Variants in ADARB2 observed in about 807,000 individuals in gnomAD.
The protein encoded by ADARB2 is adenosine deaminase RNA specific B2 (inactive).
In ADARB2, 25 loss-of-function variants were observed where a neutral mutation model predicts 62.2. The ratio of observed to expected loss-of-function variants is 0.40; its 90% CI spans 0.29 to 0.56. The LOEUF is 0.56. ADARB2 is among the 20% of genes least tolerant of loss of function. The probability of loss-of-function intolerance (pLI) is 0.43; values close to 1 mark genes in which losing one functional copy is unlikely to be tolerated. For synonymous variants in ADARB2, 572 were observed against 500.8 expected (o/e 1.14, Z -1.90); for missense variants, 1,071 against 1,077.4 (o/e 0.99, Z 0.08).
intron 4 of ADARB2, among the ~76,000 whole-genome samples, chr10:1,249,879 C>T (rs200027110): frequency 6.6e-6 from 1 of 151,890 alleles, no homozygotes; most frequent in East Asian, 1.9e-4. Context: ...ATGGTGAAAG[C>T]GTTCCAAGTT....
intron 3 of ADARB2, among the ~76,000 whole-genome samples, chr10:1,316,114 CTGAG>C (rs1429643602): frequency 6.6e-6 from 1 of 152,210 alleles, no homozygotes; most frequent in African/African-American, 2.4e-5. Context: ...TTTTTAAAGA[CTGAG>C]TGTGAACTTT....
chr10:1,721,368 C>G (rs1018044156), intron 1 of ADARB2, among the ~76,000 whole-genome samples: 1 of 152,170 alleles, frequency 6.6e-6, no homozygotes, highest in Non-Finnish European at 1.5e-5. Context: ...GAACAAGTAT[C>G]AAACACAGAC....
intron 1 of ADARB2, among the ~76,000 whole-genome samples, chr10:1,617,250 G>T (rs879669363): frequency 0.034 from 2,767 of 80,380 alleles, no homozygotes; most frequent in African/African-American, 0.052. Context: ...TGCATCCTGG[G>T]AACTGGCCTC....
At chr10:1,277,955 CTCTTTCTCTCTCTCTT>C (rs980466394) in intron 3 of ADARB2, among the ~76,000 whole-genome samples, 1 of 79,974 alleles carries the variant, frequency 1.3e-5, no homozygotes, top group Non-Finnish European at 3.4e-5. Flanking sequence ...CTTCCTTCCC[CTCTTTCTCTCTCTCTT>C]TCTTTTTTTC....
chr10:1,555,648 A>G (rs1376014463), intron 1 of ADARB2, among the ~76,000 whole-genome samples: 2 of 152,150 alleles, frequency 1.3e-5, no homozygotes, highest in East Asian at 3.9e-4. Flanking sequence ...ATGAAAACAT[A>G]TATGGGCCGG....
intron 7 of ADARB2, among the ~76,000 whole-genome samples, chr10:1,214,865 A>C (rs1043916276): frequency 6.6e-6 from 1 of 152,260 alleles, no homozygotes; most frequent in Admixed American, 6.5e-5. Context: ...GCTTTGGTCC[A>C]CTGTCATTAG....
chr10:1,563,723 G>T (rs1055406337), intron 1 of ADARB2, among the ~76,000 whole-genome samples: 3 of 149,490 alleles, frequency 2.0e-5, no homozygotes, highest in Non-Finnish European at 4.4e-5. Context: ...CTGGTGCACT[G>T]CACCCACTAA....
chr10:1,648,576 A>G (rs973325735), intron 1 of ADARB2, among the ~76,000 whole-genome samples: 2 of 152,170 alleles, frequency 1.3e-5, no homozygotes, highest in African/African-American at 4.8e-5. Flanking sequence ...ACATGTGGGT[A>G]AGCATTGGTC....
At chr10:1,300,045 G>T (rs142641453) in intron 3 of ADARB2, among the ~76,000 whole-genome samples, 1 of 152,090 alleles carries the variant, frequency 6.6e-6, no homozygotes, top group African/African-American at 2.4e-5. Flanking sequence ...CATCCTGGCC[G>T]TACCCACCAC....
chr10:1,386,578 C>G (rs372856746), intron 1 of ADARB2, among the ~76,000 whole-genome samples: 2 of 151,922 alleles, frequency 1.3e-5, no homozygotes, highest in African/African-American at 4.8e-5. Context: ...TTAAGAAAGA[C>G]ATATCACAAT....
At chr10:1,594,395 G>A (rs927604594) in intron 1 of ADARB2, among the ~76,000 whole-genome samples, 3 of 152,162 alleles carry the variant, frequency 2.0e-5, no homozygotes, top group Admixed American at 2.0e-4. Flanking sequence ...CATAGCTGTA[G>A]GTTTCTCTCT....
At chr10:1,380,319 A>G (rs1832471759) in intron 1 of ADARB2, among the ~76,000 whole-genome samples, 1 of 152,222 alleles carries the variant, frequency 6.6e-6, no homozygotes, top group African/African-American at 2.4e-5. Flanking sequence ...TGGCTGTGGT[A>G]TTGGCTACTT....
intron 1 of ADARB2, among the ~76,000 whole-genome samples, chr10:1,422,182 T>C (rs1832857634): frequency 6.6e-6 from 1 of 152,182 alleles, no homozygotes; most frequent in Admixed American, 6.5e-5. Context: ...GACGTCAAGG[T>C]ACATCAAAGG....
chr10:1,506,098 G>A, intron 1 of ADARB2, among the ~76,000 whole-genome samples: 1 of 151,974 alleles, frequency 6.6e-6, no homozygotes, highest in East Asian at 1.9e-4. Flanking sequence ...GTGTCTTTGG[G>A]AAGATGATGT....
intron 8 of ADARB2, among the ~76,000 whole-genome samples, chr10:1,197,191 T>C (rs1325602103): frequency 6.6e-6 from 1 of 152,210 alleles, no homozygotes. Context: ...CTCTTAATTA[T>C]CATTAATTTC....
chr10:1,558,638 T>C (rs1832743208), intron 1 of ADARB2, among the ~76,000 whole-genome samples: 3 of 133,954 alleles, frequency 2.2e-5, no homozygotes, highest in African/African-American at 8.6e-5. Context: ...ATCCCACCTC[T>C]GCCCCCCTCC....
At chr10:1,204,250 A>G (rs1021966888) in intron 7 of ADARB2, among the ~76,000 whole-genome samples, 9 of 152,142 alleles carry the variant, frequency 5.9e-5, no homozygotes, top group Non-Finnish European at 1.2e-4. Context: ...GGGCCTTTCA[A>G]GGTGAAATAG....
chr10:1,442,445 T>C (rs1374200236), intron 1 of ADARB2, among the ~76,000 whole-genome samples: 1 of 152,208 alleles, frequency 6.6e-6, no homozygotes, highest in Non-Finnish European at 1.5e-5. Flanking sequence ...ACCACAGGCC[T>C]GCTAGAGATG....
At chr10:1,705,625 A>G (rs1344322677) in intron 1 of ADARB2, among the ~76,000 whole-genome samples, 1 of 152,246 alleles carries the variant, frequency 6.6e-6, no homozygotes, top group Non-Finnish European at 1.5e-5. Flanking sequence ...CTGTCCTGAA[A>G]TGCAGGGTGC....
Sources: allele counts gnomAD v4.1 joint callset (sites outside exome capture counted in the v4.1 genomes callset), GRCh38; gene constraint gnomAD v4.1.1; transcripts MANE v1.5; gene names NCBI Gene and HGNC (gene_info 2026-07-23, HGNC 2026-07-21).